Variants in FBLN5 observed in about 807,000 individuals in gnomAD.
FBLN5 encodes the protein fibulin-5.
In FBLN5, 24 loss-of-function variants were observed where a neutral mutation model predicts 61.6. That is an observed-to-expected ratio of 0.39 (90% confidence interval 0.28 to 0.55). The LOEUF is 0.55. Among genes scored for constraint, FBLN5 ranks in the 20% least tolerant of loss-of-function variants. FBLN5 has a pLI of 0.65. For synonymous variants in FBLN5, 213 were observed against 219.8 expected, an observed-to-expected ratio of 0.97 and a Z score of 0.27; for missense variants, 470 against 594.1, an observed-to-expected ratio of 0.79 and a Z score of 2.17.
chr14:91,909,261 T>C (rs771197409), intron 4 of FBLN5, among the ~76,000 whole-genome samples: 9 of 152,062 alleles, frequency 5.9e-5, no homozygotes, highest in Non-Finnish European at 1.3e-4. Context: ...CTAGCACAAG[T>C]GTTCACACCC....
At chr14:91,915,619 G>A (rs1323825278) in intron 4 of FBLN5, among the ~76,000 whole-genome samples, 12 of 149,432 alleles carry the variant, frequency 8.0e-5, no homozygotes, top group Admixed American at 6.7e-5. Context: ...CCCGGGAGGC[G>A]GAGGTTGCAG....
intron 10 of FBLN5, among the ~76,000 whole-genome samples, chr14:91,875,067 G>A (rs1456083629): frequency 6.6e-6 from 1 of 152,010 alleles, no homozygotes. Context: ...CGGGCTCCAG[G>A]GATCCTCCCA....
chr14:91,930,070 A>G (rs73341704), intron 4 of FBLN5, among the ~76,000 whole-genome samples: 1,607 of 152,326 alleles, frequency 0.011, 23 homozygotes, highest in African/African-American at 0.036. Context: ...CAGAAGAAAG[A>G]ATAAAAAATA....
chr14:91,886,142 T>C (rs1421794863), intron 7 of FBLN5, among the ~76,000 whole-genome samples: 3 of 152,244 alleles, frequency 2.0e-5, no homozygotes, highest in African/African-American at 7.2e-5. Context: ...AACTTTCCAT[T>C]CTGCAGGACA....
rs144659053 is a variant in FBLN5 at position 91,898,078 on chromosome 14, C to T, written c.380-3006G>A. On this transcript the variant is annotated intron_variant, in intron 4 of 10. Coordinates refer to ENST00000342058, the MANE Select transcript of FBLN5 (RefSeq NM_006329.4). ...AAATAAAAGAATTAACTCAGTTATACGACACTTTTGTATTTGTTTTGTTTA... is the reference window on the plus strand; with the variant it reads ...AAATAAAAGAATTAACTCAGTTATATGACACTTTTGTATTTGTTTTGTTTA... Among the ~76,000 whole-genome samples, 1,272 of 152,150 alleles carry T rather than the reference C, an allele frequency of 8.4e-3. 13 individuals are homozygous for T. The highest frequency in any genetic ancestry group is 0.029 in the African/African-American group (1,189 of 41,500).
chr14:91,880,820 C>T (rs781223601), intron 9 of FBLN5, among the ~76,000 whole-genome samples: 10 of 152,092 alleles, frequency 6.6e-5, no homozygotes, highest in Admixed American at 2.0e-4. Flanking sequence ...CAAAGTGCTG[C>T]GATTACAGTC....
chr14:91,900,023 C>T (rs1890389749), intron 4 of FBLN5, among the ~76,000 whole-genome samples: 1 of 152,230 alleles, frequency 6.6e-6, no homozygotes, highest in African/African-American at 2.4e-5. Context: ...GAGCAGGACT[C>T]TGCAGAGGAA....
Position 91,947,324 on chromosome 14 carries a change from C to T in FBLN5, c.-95G>A. The T allele has an allele frequency of 7.6e-6, 11 of 1,439,746 alleles. No individual in the cohort carries two copies. Among genetic ancestry groups the T allele is most frequent in the Non-Finnish European group, 1.1e-5 (11 of 1,025,422 alleles). The allele number at this position is 1,439,746 out of a possible 1,614,324, so 89.2% of individuals were successfully genotyped here. The stretch of plus-strand genomic sequence containing the variant: ...CGGGCACGTCGGCCTCCTCTGGGCC[C>T]TCGGGGCTCGCGGGTGTTTTATTCC... On this transcript the variant is annotated 5_prime_UTR_variant, in exon 1 of 11. Transcript: ENST00000342058. The surrounding 1 kb of genome is among the most constrained non-coding windows in gnomAD (Gnocchi z 4.3).
intron 4 of FBLN5, among the ~76,000 whole-genome samples, chr14:91,916,574 G>A (rs1045306443): frequency 6.6e-6 from 1 of 152,168 alleles, no homozygotes; most frequent in African/African-American, 2.4e-5. Flanking sequence ...TTTGGGGGCA[G>A]TATCAGTACT....
intron 9 of FBLN5, chr14:91,877,959 A>T (rs1020228298): frequency 3.7e-6 from 2 of 544,468 alleles, no homozygotes; most frequent in Non-Finnish European, 7.0e-6. Flanking sequence ...ACATTAGAAC[A>T]TTCTCCAAGA....
chr14:91,887,357 C>T (rs1595301893), intron 6 of FBLN5, 45 bp from the exon 7 acceptor site: 1 of 1,604,540 alleles, frequency 6.2e-7, no homozygotes, highest in East Asian at 2.2e-5. Flanking sequence ...CCCAACAGAA[C>T]AGCCACAATA....
intron 4 of FBLN5, among the ~76,000 whole-genome samples, chr14:91,912,720 G>A (rs1891005533): frequency 6.6e-6 from 1 of 151,498 alleles, no homozygotes; most frequent in Admixed American, 6.6e-5. Flanking sequence ...TAAGGTTGGA[G>A]GATCGCTTGA....
In FBLN5 at chr14:91,943,030, G is replaced by A. The variant is rs1317926374; in HGVS notation, c.18-69C>T. The A allele has an allele frequency of 2.9e-6, 3 of 1,042,990 alleles. No homozygotes were observed. The highest frequency in any genetic ancestry group is 1.6e-5 in the African/African-American group (1 of 63,220). The allele number at this position is 1,042,990 out of a possible 1,614,324, so 64.6% of individuals were successfully genotyped here. A position where few individuals can be genotyped will look rare whatever the true frequency, so the allele number is the denominator to read the frequency against. ...AGGTCTAGGGGAGTGTGGGTCGCAT[G>A]CGGCCCGTGACGTGTAACGGTGATA... On this transcript the variant is annotated intron_variant, in intron 1 of 10. Coordinates refer to ENST00000342058, the MANE Select transcript of FBLN5 (RefSeq NM_006329.4). The surrounding 1 kb of genome is among the most constrained non-coding windows in gnomAD (Gnocchi z 4.0).
rs1327059842 is a variant in FBLN5 at position 91,922,834 on chromosome 14, T to TC, written c.379+14112dup. Among the ~76,000 whole-genome samples the TC allele has an allele frequency of 2.0e-5, 3 of 152,184 alleles. No individual in the cohort carries two copies. The East Asian group carries it at 5.8e-4, about 29-fold the overall frequency. ...CACAGGACCAGGCCAGGCCCTATCA[T>TC]CACAGTGAGAGCCAATTTCATCCAT... is the stretch of plus-strand genomic sequence containing the variant. On this transcript the variant is annotated intron_variant, in intron 4 of 10. Transcript: ENST00000342058.
chr14:91,910,305 A>G (rs957133215), intron 4 of FBLN5, among the ~76,000 whole-genome samples: 2 of 152,202 alleles, frequency 1.3e-5, no homozygotes, highest in African/African-American at 4.8e-5. Context: ...GTCCACTTAT[A>G]TGATATATTT....
At chr14:91,898,481 C>T (rs532119090) in intron 4 of FBLN5, among the ~76,000 whole-genome samples, 170 of 152,132 alleles carry the variant, frequency 1.1e-3, no homozygotes, top group African/African-American at 3.1e-3. Flanking sequence ...TGGGCTTTCT[C>T]GGGGGGAGGC....
intron 9 of FBLN5, among the ~76,000 whole-genome samples, chr14:91,879,661 C>T (rs546163791): frequency 1.3e-3 from 194 of 152,316 alleles, no homozygotes; most frequent in African/African-American, 4.4e-3. Flanking sequence ...GGCCTTACGT[C>T]GGGGGTCAAA....
At chr14:91,894,253 G>A (rs1253887755) in intron 5 of FBLN5, among the ~76,000 whole-genome samples, 1 of 148,960 alleles carries the variant, frequency 6.7e-6, no homozygotes, top group Non-Finnish European at 1.5e-5. Flanking sequence ...ACAAATATTA[G>A]CTGGGCATGG....
intron 4 of FBLN5, among the ~76,000 whole-genome samples, chr14:91,914,744 G>C (rs577864464): frequency 6.8e-4 from 102 of 150,568 alleles, no homozygotes; most frequent in Middle Eastern, 3.5e-3. Context: ...AGAGATCGGG[G>C]AGAGCAACAA....
Sources: gnomAD v4.1 joint callset for allele counts (sites outside exome capture counted in the v4.1 genomes callset) on GRCh38, gnomAD v4.1.1 for gene constraint, Gnocchi (gnomAD v3.1) non-coding constraint, MANE v1.5 for transcripts, NCBI Gene and HGNC (gene_info 2026-07-23, HGNC 2026-07-21) for gene names.